Variants in BMPR1A observed in about 807,000 individuals in gnomAD.
BMPR1A encodes bone morphogenetic protein receptor type 1A.
A neutral mutation model predicts 66.0 loss-of-function variants in BMPR1A; 7 were observed. That is an observed-to-expected ratio of 0.11 (90% CI 0.06 to 0.20). The LOEUF (loss-of-function observed/expected upper bound fraction) is 0.20, where lower values mean the gene tolerates loss of function less well. Ranked by LOEUF, BMPR1A falls within the 10% of genes least tolerant of loss-of-function variation. The probability of loss-of-function intolerance (pLI) is 1.00; values close to 1 mark genes in which losing one functional copy is unlikely to be tolerated. For synonymous variants in BMPR1A, 200 were observed against 229.7 expected, an observed-to-expected ratio of 0.87 and a Z score of 1.17; for missense variants, 408 against 669.1, an observed-to-expected ratio of 0.61 and a Z score of 4.31.
intron 4 of BMPR1A, among the ~76,000 whole-genome samples, chr10:86,891,611 G>A (rs1843150803): frequency 6.6e-6 from 1 of 152,034 alleles, no homozygotes; most frequent in Non-Finnish European, 1.5e-5. Context: ...TTATTCAAAA[G>A]TCCTCTCCCT....
rs1196976201 is a variant in BMPR1A at position 86,797,135 on chromosome 10, GC to G, written c.-268+40217del. 3.5e-5 allele frequency among the ~76,000 whole-genome samples: 5 copies of G among 143,166 alleles called. No individual in the cohort carries two copies. In the East Asian group the frequency reaches 8.1e-4, roughly 23 times the overall value. 93.9% of individuals were successfully genotyped at this position (143,166 alleles called of 152,430 possible). ...GCTGGAGTGCAGTGGCGCGATCTCT[GC>G]TCACTGCAGCCTCCGCCTCCCAAGT... On this transcript the variant is annotated intron_variant, in intron 1 of 12. Transcript: ENST00000372037.
intron 1 of BMPR1A, among the ~76,000 whole-genome samples, chr10:86,819,411 A>G (rs1015165957): frequency 3.9e-5 from 6 of 152,152 alleles, no homozygotes; most frequent in Admixed American, 6.5e-5. Flanking sequence ...CCTGGGCTCA[A>G]GCGATTCTCC....
Position 86,917,012 on chromosome 10 carries a change from A to G in BMPR1A, c.676-122A>G, listed in dbSNP as rs954641431. The G allele has an allele frequency of 1.8e-5, 20 of 1,094,828 alleles. No homozygotes were observed. In the Admixed American group the frequency reaches 3.1e-4, roughly 17 times the overall value. 67.8% of individuals were successfully genotyped at this position (1,094,828 alleles called of 1,614,324 possible). A position where few individuals can be genotyped will look rare whatever the true frequency, so the allele number is the denominator to read the frequency against. On this transcript the variant is annotated intron_variant, in intron 8 of 12. Coordinates refer to ENST00000372037, the MANE Select transcript of BMPR1A (RefSeq NM_004329.3). Reference sequence around the variant, plus strand: ...CATCTCAAAAAAAAAAAAGTACATTATAAGTTTTTAACTGGAGTTGGTTGG... The same window carrying G: ...CATCTCAAAAAAAAAAAAGTACATTGTAAGTTTTTAACTGGAGTTGGTTGG...
intron 2 of BMPR1A, among the ~76,000 whole-genome samples, chr10:86,846,027 T>C (rs563562479): frequency 2.0e-5 from 3 of 151,744 alleles, no homozygotes; most frequent in Non-Finnish European, 4.4e-5. Flanking sequence ...TATATAGATA[T>C]ATGTATATAT....
intron 3 of BMPR1A, among the ~76,000 whole-genome samples, chr10:86,876,843 C>T (rs950663055): frequency 2.2e-4 from 33 of 152,162 alleles, no homozygotes; most frequent in African/African-American, 6.8e-4. Flanking sequence ...CTTGTCTGTG[C>T]TGAATACTAA....
At chr10:86,828,822 C>T (rs899237415) in intron 1 of BMPR1A, among the ~76,000 whole-genome samples, 2 of 151,910 alleles carry the variant, frequency 1.3e-5, no homozygotes, top group Admixed American at 6.6e-5. Context: ...TCTCTACTGG[C>T]CGAATTGGAT....
chr10:86,823,924 G>A (rs996741828), intron 1 of BMPR1A, among the ~76,000 whole-genome samples: 2 of 152,052 alleles, frequency 1.3e-5, no homozygotes, highest in African/African-American at 2.4e-5. Context: ...CATGTGTGGT[G>A]GTATGACATT....
intron 1 of BMPR1A, among the ~76,000 whole-genome samples, chr10:86,824,206 G>GT (rs1433113658): frequency 1.3e-4 from 19 of 151,998 alleles, no homozygotes; most frequent in Admixed American, 1.2e-3. Context: ...TACATGCTGT[G>GT]TTTTTGCAAG....
intron 2 of BMPR1A, among the ~76,000 whole-genome samples, chr10:86,859,804 G>T (rs1042082109): frequency 6.6e-6 from 1 of 151,544 alleles, no homozygotes; most frequent in Non-Finnish European, 1.5e-5. Context: ...AGTGAGACTC[G>T]TCTCAAAAAA....
intron 2 of BMPR1A, among the ~76,000 whole-genome samples, chr10:86,865,888 G>A (rs1035791950): frequency 2.6e-5 from 4 of 152,290 alleles, no homozygotes; most frequent in African/African-American, 9.6e-5. Context: ...ATGCCTGAGG[G>A]GAGTGCAAAG....
intron 1 of BMPR1A, among the ~76,000 whole-genome samples, 164 bp downstream of exon 1, chr10:86,757,083 G>A (rs1847883812): frequency 6.6e-6 from 1 of 150,944 alleles, no homozygotes; most frequent in African/African-American, 2.4e-5. Context: ...GCTGGGCCGG[G>A]ACCGCCCAGC....
chr10:86,868,252 TACACTC>T (rs1842809025), intron 2 of BMPR1A, among the ~76,000 whole-genome samples: 1 of 152,246 alleles, frequency 6.6e-6, no homozygotes, highest in African/African-American at 2.4e-5. Context: ...TTACCTCAGA[TACACTC>T]AGACAACTCT....
At chr10:86,895,205 G>A (rs751523765) in intron 5 of BMPR1A, among the ~76,000 whole-genome samples, 1 of 152,196 alleles carries the variant, frequency 6.6e-6, no homozygotes, top group Admixed American at 6.5e-5. Context: ...GGATCTTTAT[G>A]GCACTTTTAG....
intron 1 of BMPR1A, among the ~76,000 whole-genome samples, chr10:86,790,236 T>TATATATATATA (rs1491401663): frequency 1.4e-5 from 1 of 72,346 alleles, no homozygotes; most frequent in Non-Finnish European, 2.8e-5. Flanking sequence ...TATATATATA[T>TATATATATATA]CAAAACCACA....
intron 1 of BMPR1A, among the ~76,000 whole-genome samples, chr10:86,761,287 C>T (rs1465668792): frequency 1.3e-5 from 2 of 152,084 alleles, no homozygotes; most frequent in Admixed American, 1.3e-4. Context: ...GACTTTGTTA[C>T]TCTTTTATAG....
intron 1 of BMPR1A, among the ~76,000 whole-genome samples, chr10:86,800,629 G>A (rs1243145907): frequency 6.6e-6 from 1 of 152,158 alleles, no homozygotes; most frequent in Non-Finnish European, 1.5e-5. Flanking sequence ...CTGAGCTCAA[G>A]TGATCCACCC....
chr10:86,760,188 G>GTGTTTT (rs764715631), intron 1 of BMPR1A, among the ~76,000 whole-genome samples: 15 of 53,378 alleles, frequency 2.8e-4, no homozygotes, highest in Non-Finnish European at 4.0e-4. Context: ...AGATTTACCT[G>GTGTTTT]TTTTTTTTTT....
intron 1 of BMPR1A, among the ~76,000 whole-genome samples, chr10:86,788,507 A>G (rs565404879): frequency 2.6e-5 from 4 of 152,348 alleles, no homozygotes; most frequent in South Asian, 4.1e-4. Context: ...GAGGTGCACA[A>G]GCACATGGAT....
intron 10 of BMPR1A, among the ~76,000 whole-genome samples, chr10:86,920,834 CT>C (rs928859334): frequency 5.1e-4 from 71 of 139,480 alleles, no homozygotes; most frequent in South Asian, 3.3e-3. Flanking sequence ...ACTACTTTAT[CT>C]TTTTTTTTTC....
Sources: allele counts gnomAD v4.1 joint callset (sites outside exome capture counted in the v4.1 genomes callset), GRCh38; gene constraint gnomAD v4.1.1; transcripts MANE v1.5; gene names NCBI Gene and HGNC (gene_info 2026-07-23, HGNC 2026-07-21).